ARHGAP28: variants seen among roughly 807,000 people sequenced by gnomAD.
ARHGAP28 encodes rho GTPase-activating protein 28.
Under a neutral mutation model 90.7 loss-of-function variants are expected in ARHGAP28, and 56 were observed. The observed-to-expected ratio is 0.62, with a 90% CI of 0.50 to 0.77. The LOEUF is 0.77. Among genes scored for constraint, ARHGAP28 ranks in the 30% least tolerant of loss-of-function variants. The pLI, the probability that ARHGAP28 is intolerant of heterozygous loss-of-function variation, is 0.00. For synonymous variants in ARHGAP28, 308 were observed against 323.3 expected (o/e 0.95, Z 0.51); for missense variants, 869 against 900.9 (o/e 0.96, Z 0.45).
chr18:6,838,746 G>A (rs1193305601), intron 3 of ARHGAP28, among the ~76,000 whole-genome samples: 1 of 152,116 alleles, frequency 6.6e-6, no homozygotes, highest in Non-Finnish European at 1.5e-5. Flanking sequence ...ATAACTTATG[G>A]TAAGTGCATT....
intron 10 of ARHGAP28, among the ~76,000 whole-genome samples, chr18:6,881,160 T>C (rs749225419): frequency 2.0e-5 from 3 of 152,152 alleles, no homozygotes; most frequent in African/African-American, 4.8e-5. Flanking sequence ...AGAGAGTGAT[T>C]ATGTCTGGCT....
chr18:6,826,683 C>CTTTTTTTTTTTTTTTTTTTTTT (rs36069648), intron 2 of ARHGAP28, among the ~76,000 whole-genome samples: 4 of 88,262 alleles, frequency 4.5e-5, no homozygotes, highest in Non-Finnish European at 6.1e-5. Flanking sequence ...GGATTTTGAG[C>CTTTTTTTTTTTTTTTTTTTTTT]TTTTTTTTTT....
chr18:6,760,660 A>G (rs2056152055), intron 1 of ARHGAP28, among the ~76,000 whole-genome samples: 1 of 152,232 alleles, frequency 6.6e-6, no homozygotes, highest in South Asian at 2.1e-4. Flanking sequence ...AATAATTAGC[A>G]TTGATGTCAA....
intron 1 of ARHGAP28, chr18:6,774,176 A>T (rs984164658): frequency 6.6e-6 from 1 of 152,120 alleles, no homozygotes; most frequent in African/African-American, 2.4e-5. Context: ...ACACTTGCAG[A>T]GGGGTTTTGT....
At chr18:6,902,259 G>A (rs2057342187) in intron 16 of ARHGAP28, among the ~76,000 whole-genome samples, 1 of 151,988 alleles carries the variant, frequency 6.6e-6, no homozygotes, top group African/African-American at 2.4e-5. Flanking sequence ...TAATAATAAT[G>A]TATCAATATT....
intron 4 of ARHGAP28, 113 bp downstream of exon 4, chr18:6,851,239 A>G: frequency 1.1e-6 from 1 of 886,636 alleles, no homozygotes; most frequent in Non-Finnish European, 1.8e-6. Flanking sequence ...GGACAACCAC[A>G]GATTTCAACA....
chr18:6,885,574 A>G (rs2057213855), intron 11 of ARHGAP28, among the ~76,000 whole-genome samples: 1 of 152,218 alleles, frequency 6.6e-6, no homozygotes. Context: ...TGGGGAAATA[A>G]TGACCTCAGG....
rs1833567275 is a variant in ARHGAP28, at chr18:6,913,804, A to C, written c.*1650A>C. 1 of 151,874 alleles carries C rather than the reference A, an allele frequency of 6.6e-6. No homozygotes were observed. Among genetic ancestry groups the C allele is most frequent in the African/African-American group, 2.4e-5 (1 of 41,350 alleles). The allele number at this position is 151,874 out of a possible 1,614,324, so 9.4% of individuals were successfully genotyped here. On this transcript the variant is annotated 3_prime_UTR_variant, in exon 18 of 18. Transcript: ENST00000383472. ...TGTATAAGTTTATGTTTATTCCTAC[A>C]TTTTATTCATTTTTAATGTATGGGT...
rs551220095 is a variant in ARHGAP28, at chr18:6,839,588, C to T, written c.543+2174C>T. On this transcript the variant is annotated intron_variant, in intron 3 of 17. Coordinates refer to ENST00000383472, the MANE Select transcript of ARHGAP28 (RefSeq NM_001366230.1). ...CTGGGATTACAGGCGTGAGCCACTGCGCCCGGCCATAATTTTTTTAGATTA... is the reference window on the plus strand; with the variant it reads ...CTGGGATTACAGGCGTGAGCCACTGTGCCCGGCCATAATTTTTTTAGATTA... Among the ~76,000 whole-genome samples, 424 of 152,268 alleles carry T rather than the reference C, an allele frequency of 2.8e-3. 3 individuals are homozygous for T. The highest frequency in any genetic ancestry group is 6.8e-3 in the Middle Eastern group (2 of 294).
At chr18:6,908,344 A>T (rs1019056084) in intron 16 of ARHGAP28, among the ~76,000 whole-genome samples, 1 of 151,710 alleles carries the variant, frequency 6.6e-6, no homozygotes, top group Non-Finnish European at 1.5e-5. Context: ...TTGCCATGTT[A>T]CCCAGGCTGG....
intron 1 of ARHGAP28, among the ~76,000 whole-genome samples, chr18:6,810,130 C>G (rs1366031024): frequency 6.6e-6 from 1 of 152,172 alleles, no homozygotes; most frequent in Admixed American, 6.5e-5. Context: ...GCCTTTATCT[C>G]TGTATGAATT....
Position 6,766,395 on chromosome 18 carries a change from C to A in ARHGAP28, c.122+36452C>A, listed in dbSNP as rs1461159868. Among the ~76,000 whole-genome samples, 3 of 152,102 alleles carry A rather than the reference C, an allele frequency of 2.0e-5. No individual in the cohort carries two copies. The East Asian group carries it at 5.8e-4, about 29-fold the overall frequency. On this transcript the variant is annotated intron_variant, in intron 1 of 17. Transcript: ENST00000383472. Reference sequence around the variant, plus strand: ...AGTTCTTTTTCTGAAGTTGTAATAGCCATAGAGTTGTGCTGCTGAGACCTC... The same window carrying A: ...AGTTCTTTTTCTGAAGTTGTAATAGACATAGAGTTGTGCTGCTGAGACCTC...
At chr18:6,852,654 C>G (rs9953621) in intron 4 of ARHGAP28, among the ~76,000 whole-genome samples, 76,034 of 151,944 alleles carry the variant, frequency 0.5, 20,359 homozygotes, top group Non-Finnish European at 0.61. Flanking sequence ...GGACTAACAA[C>G]TTTTTCCTTT....
intron 10 of ARHGAP28, among the ~76,000 whole-genome samples, chr18:6,879,266 G>A (rs188152420): frequency 1.3e-5 from 2 of 152,284 alleles, no homozygotes; most frequent in East Asian, 1.9e-4. Context: ...TGTTTGACAT[G>A]CGAGATTTTC....
At chr18:6,895,557 C>T (rs542839682) in intron 15 of ARHGAP28, among the ~76,000 whole-genome samples, 2 of 152,354 alleles carry the variant, frequency 1.3e-5, no homozygotes, top group African/African-American at 4.8e-5. Flanking sequence ...CCTCTCCTCA[C>T]TTTTGGCGAT....
In ARHGAP28 at chr18:6,911,864, G is replaced by GA. The variant is rs1196194690; in HGVS notation, c.2096-186dup. On this transcript the variant is annotated intron_variant, in intron 17 of 17. Transcript: ENST00000383472. ...CCCATACTTCACAGTCTTAAAGAAA[G>GA]AAAAAAAAAAGAAAGGAGAGAGGGA... 3.9e-3 allele frequency among the ~76,000 whole-genome samples: 569 copies of GA among 145,500 alleles called. 4 individuals carry two copies. Among genetic ancestry groups the GA allele is most frequent in the African/African-American group, 0.012 (466 of 39,664 alleles).
At chr18:6,808,932 AC>A (rs2056537722) in intron 1 of ARHGAP28, among the ~76,000 whole-genome samples, 1 of 152,028 alleles carries the variant, frequency 6.6e-6, no homozygotes, top group African/African-American at 2.4e-5. Context: ...AGTCAAGGGG[AC>A]CCCCATGCCA....
intron 12 of ARHGAP28, among the ~76,000 whole-genome samples, chr18:6,888,146 T>C (rs1483135829): frequency 6.6e-6 from 1 of 152,240 alleles, no homozygotes; most frequent in East Asian, 1.9e-4. Context: ...TCTCCACTGA[T>C]ATATAGTAGA....
At chr18:6,770,724 A>G (rs2056235723) in intron 1 of ARHGAP28, among the ~76,000 whole-genome samples, 2 of 152,154 alleles carry the variant, frequency 1.3e-5, no homozygotes, top group Admixed American at 1.3e-4. Flanking sequence ...TAATTATTCA[A>G]TTAAAAAATG....
Sources: gnomAD v4.1 joint callset for allele counts (sites outside exome capture counted in the v4.1 genomes callset) on GRCh38, gnomAD v4.1.1 for gene constraint, MANE v1.5 for transcripts, NCBI Gene and HGNC (gene_info 2026-07-23, HGNC 2026-07-21) for gene names.